Variants in GZF1 observed in about 807,000 individuals in gnomAD.
GZF1 encodes GDNF-inducible zinc finger protein 1.
GZF1 carries 28 observed loss-of-function variants against 49.4 expected under a neutral mutation model. That is an observed-to-expected ratio of 0.57 (90% CI 0.42 to 0.78). The LOEUF is 0.78. Ranked by LOEUF, GZF1 falls within the 30% of genes least tolerant of loss-of-function variation. The probability of loss-of-function intolerance (pLI) is 0.00; values close to 1 mark genes in which losing one functional copy is unlikely to be tolerated. For missense variants in GZF1, 798 were observed against 916.2 expected, an observed-to-expected ratio of 0.87 and a Z score of 1.67; for synonymous variants, 364 against 356.0, an observed-to-expected ratio of 1.02 and a Z score of -0.25.
chr20:23,370,279 T>C lies in GZF1; in HGVS notation c.1974T>C (p.Pro658=), dbSNP rs1444554273. The change falls in exon 6 of 6, where the codon CCT becomes CCC. Residue 658 remains proline, a synonymous_variant. Transcript: ENST00000338121. Reference sequence around the variant, plus strand: ...TGGCTGCAGTCCAAGACACTGTACCTACCATGCAGGAGAACAGTTCTGCTG... The same window carrying C: ...TGGCTGCAGTCCAAGACACTGTACCCACCATGCAGGAGAACAGTTCTGCTG... The part of the protein sequence containing the change: ...HNLAAVQDTV[P]TMQENSSADT... 1 of 1,614,194 alleles carries C rather than the reference T, an allele frequency of 6.2e-7. No homozygotes were observed. Among genetic ancestry groups the C allele is most frequent in the East Asian group, 2.2e-5 (1 of 44,878 alleles).
In GZF1 at chr20:23,365,079, T is replaced by C. The variant is rs1231031974; in HGVS notation, c.696T>C (p.Phe232=). ...ASGRLAGRKV[F]VEIPKKKYTR... ...GAAGGCTGGCTGGGAGGAAGGTCTT[T>C]GTGGAGATCCCTAAAAAGAAATATA... The change falls in exon 2 of 6, where the codon TTT becomes TTC. Residue 232 remains phenylalanine, a synonymous_variant. Coordinates refer to ENST00000338121, the MANE Select transcript of GZF1 (RefSeq NM_022482.5). The C allele has an allele frequency of 6.2e-7, 1 of 1,613,872 alleles. No individual in the cohort carries two copies. Among genetic ancestry groups the C allele is most frequent in the African/African-American group, 1.3e-5 (1 of 74,922 alleles).
At position 23,365,699 on chromosome 20, in the gene GZF1, A is replaced by G; in HGVS notation, c.1316A>G (p.Glu439Gly). The change falls in exon 2 of 6, where the codon GAG (glutamate) becomes GGG (glycine). Residue 439 changes from glutamate (E) to glycine (G), a missense_variant. This residue lies in a region of GZF1 where 446 missense variants were observed against 540.1 expected (regional missense o/e 0.83). Transcript: ENST00000338121. ...GGAGACCGGCCCTACGGCTGCACCG[A>G]GTGCGGCGCCAGGTTCTCGCAGCCG... ...HTGDRPYGCT[E>G]CGARFSQPSA... 1 of 1,574,498 alleles carries G rather than the reference A, an allele frequency of 6.4e-7. No individual in the cohort carries two copies.
chr20:23,366,234 TTC>T (rs576798680), intron 2 of GZF1, among the ~76,000 whole-genome samples: 169 of 152,268 alleles, frequency 1.1e-3, no homozygotes, highest in Middle Eastern at 3.4e-3. Context: ...AGACAGTGCT[TTC>T]TGTTTCTTAA....
rs1458763070 is a variant in GZF1, at chr20:23,368,906, A to G, written c.1604A>G (p.Tyr535Cys). Residue 535 changes from tyrosine to cysteine, a missense_variant, in exon 4 of 6, where the codon TAC (tyrosine) becomes TGC (cysteine). Physicochemically the swap from Tyr to Cys is radical, Grantham distance 194. Around this residue, in one of 3 missense-constraint regions of GZF1, gnomAD observed 446 missense variants for 540.1 expected, o/e 0.83. Transcript: ENST00000338121. Reference protein sequence around the residue: ...FRTFAQRNSLYQHIKVHTGER... With the variant: ...FRTFAQRNSLCQHIKVHTGER... ...ACTTTTGCCCAGCGGAATTCACTGT[A>G]CCAGCATATTAAAGTCCACACAGGT... is the stretch of plus-strand genomic sequence containing the variant. 1 of 1,613,546 alleles carries G rather than the reference A, an allele frequency of 6.2e-7. No individual in the cohort carries two copies. The highest frequency in any genetic ancestry group is 1.3e-5 in the African/African-American group (1 of 74,920).
rs139522387 is a variant in GZF1 at position 23,369,652 on chromosome 20, C to T, written c.1696C>T (p.Arg566Cys). ...FTQLNALQRH[R>C]RIHTGERPFM... ...CCAGCTCAACGCCCTCCAGCGCCAC[C>T]GCCGCATCCACACAGGGGAGAGGCC... Residue 566 changes from arginine to cysteine, a missense_variant, in exon 5 of 6, where the codon CGC becomes TGC. Around this residue, in one of 3 missense-constraint regions of GZF1, gnomAD observed 446 missense variants for 540.1 expected, o/e 0.83. Transcript: ENST00000338121. The T allele has an allele frequency of 3.7e-6, 6 of 1,613,236 alleles. No homozygotes were observed. Among genetic ancestry groups the T allele is most frequent in the East Asian group, 4.5e-5 (2 of 44,798 alleles).
Position 23,364,879 on chromosome 20 carries a change from A to G in GZF1, c.496A>G (p.Ser166Gly). ...TAGTGCTGCTCCTGCCCCCAGGGCA[A>G]GTGTGGCCACCGATGGCCCTCACCC... ...QVSAAPAPRA[S>G]VATDGPHPSG... is the part of the protein sequence containing the mutation. Residue 166 changes from serine to glycine, a missense_variant, in exon 2 of 6, where the codon AGT (serine) becomes GGT (glycine). Transcript: ENST00000338121. The G allele has an allele frequency of 6.2e-6, 10 of 1,614,230 alleles. No homozygotes were observed. The highest frequency in any genetic ancestry group is 8.5e-6 in the Non-Finnish European group (10 of 1,180,044).
In GZF1 at chr20:23,365,234, C is replaced by T. The variant is rs143775476; in HGVS notation, c.851C>T (p.Ala284Val). Reference protein sequence around the residue: ...EQVSKNEGCQAGAELEELSKK... With the variant: ...EQVSKNEGCQVGAELEELSKK... The stretch of plus-strand genomic sequence containing the variant: ...GTTTCCAAAAATGAGGGTTGCCAGG[C>T]AGGTGCTGAGTTGGAGGAATTGTCA... The change falls in exon 2 of 6, where the codon GCA becomes GTA. Residue 284 changes from alanine (A) to valine (V), a missense_variant. By Grantham distance (64) the Ala-to-Val change is moderately conservative. Around this residue, in one of 3 missense-constraint regions of GZF1, gnomAD observed 247 missense variants for 228.5 expected, o/e 1.08. Coordinates refer to ENST00000338121, the MANE Select transcript of GZF1 (RefSeq NM_022482.5). 4.8e-4 allele frequency: 770 copies of T among 1,602,896 alleles called. No homozygotes were observed. Among genetic ancestry groups the T allele is most frequent in the Non-Finnish European group, 6.2e-4 (729 of 1,174,018 alleles).
At position 23,364,880 on chromosome 20, in the gene GZF1, G is replaced by A. The variant is rs1156760274; in HGVS notation, c.497G>A (p.Ser166Asn). Reference sequence around the variant, plus strand: ...AGTGCTGCTCCTGCCCCCAGGGCAAGTGTGGCCACCGATGGCCCTCACCCC... The same window carrying A: ...AGTGCTGCTCCTGCCCCCAGGGCAAATGTGGCCACCGATGGCCCTCACCCC... Reference protein sequence around the residue: ...QVSAAPAPRASVATDGPHPSG... With the variant: ...QVSAAPAPRANVATDGPHPSG... Residue 166 changes from serine to asparagine, a missense_variant, in exon 2 of 6, where the codon AGT (serine) becomes AAT (asparagine). Physicochemically the swap from Ser to Asn is conservative, Grantham distance 46. Coordinates refer to ENST00000338121, the MANE Select transcript of GZF1 (RefSeq NM_022482.5). 4 of 1,614,126 alleles carry A rather than the reference G, an allele frequency of 2.5e-6. No homozygotes were observed. Among genetic ancestry groups the A allele is most frequent in the Admixed American group, 1.7e-5 (1 of 60,012 alleles).
chr20:23,370,503 T>A lies in GZF1; in HGVS notation c.*62T>A. ...TGTGGTAGCTGAACTCAAGATGATG[T>A]GGGGCTAAGAAAAATAATTGTCCAT... On this transcript the variant is annotated 3_prime_UTR_variant, in exon 6 of 6. Coordinates refer to ENST00000338121, the MANE Select transcript of GZF1 (RefSeq NM_022482.5). The A allele has an allele frequency of 9.2e-7, 1 of 1,081,200 alleles. No individual in the cohort carries two copies. Among genetic ancestry groups the A allele is most frequent in the Non-Finnish European group, 1.4e-6 (1 of 717,858 alleles). 67.0% of individuals were successfully genotyped at this position (1,081,200 alleles called of 1,614,324 possible).
In GZF1 at chr20:23,365,352, G is replaced by A. The variant is rs1354824319; in HGVS notation, c.969G>A (p.Glu323=). The A allele has an allele frequency of 1.2e-6, 2 of 1,611,670 alleles. No homozygotes were observed. The highest frequency in any genetic ancestry group is 1.7e-6 in the Non-Finnish European group (2 of 1,178,612). ...KKSNFKCSIC[E]KAFLYEKSFL... is the part of the protein sequence containing the mutation. ...GCAACTTTAAGTGCAGCATTTGCGAGAAGGCGTTTCTGTATGAGAAGAGCT... is the reference window on the plus strand; with the variant it reads ...GCAACTTTAAGTGCAGCATTTGCGAAAAGGCGTTTCTGTATGAGAAGAGCT... Residue 323 remains glutamate (E), a synonymous_variant, in exon 2 of 6, where the codon GAG becomes GAA. Transcript: ENST00000338121.
rs746210854 is a variant in GZF1 at position 23,364,768 on chromosome 20, A to G, written c.385A>G (p.Lys129Glu). 6.2e-7 allele frequency: 1 copy of G among 1,614,272 alleles called. No individual in the cohort carries two copies. Among genetic ancestry groups the G allele is most frequent in the Non-Finnish European group, 8.5e-7 (1 of 1,180,054 alleles). ...LDLSETCFQL[K>E]KQMLESVLLE... ...TTTATCAGAAACTTGTTTTCAATTA[A>G]AGAAACAGATGTTAGAGTCAGTACT... The change falls in exon 2 of 6, where the codon AAG becomes GAG. Residue 129 changes from lysine to glutamate, a missense_variant. By Grantham distance (56) the Lys-to-Glu change is moderately conservative. Transcript: ENST00000338121.
intron 1 of GZF1, among the ~76,000 whole-genome samples, 176 bp from the exon 2 acceptor site, chr20:23,364,187 T>C (rs1229500550): frequency 6.6e-6 from 1 of 152,258 alleles, no homozygotes; most frequent in Non-Finnish European, 1.5e-5. Context: ...GGAAAATGCA[T>C]GAGGAACCTC....
upstream of GZF1, among the ~76,000 whole-genome samples, chr20:23,361,385 C>G (rs1471624770): frequency 3.3e-5 from 5 of 152,364 alleles, no homozygotes; most frequent in East Asian, 7.7e-4. Context: ...TTCGAGGAGT[C>G]AGCGAATCTT....
At chr20:23,363,958 C>G (rs910335329) in intron 1 of GZF1, among the ~76,000 whole-genome samples, 1 of 152,182 alleles carries the variant, frequency 6.6e-6, no homozygotes, top group Admixed American at 6.5e-5. Context: ...ATGGTGGTGG[C>G]TATGTGTTTT....
chr20:23,368,603 A>T (rs1212131428), intron 3 of GZF1, among the ~76,000 whole-genome samples, 159 bp from the exon 4 acceptor site: 1 of 152,262 alleles, frequency 6.6e-6, no homozygotes, highest in East Asian at 1.9e-4. Context: ...CAAGCATCTT[A>T]CATGAATATA....
intron 2 of GZF1, 123 bp from the exon 3 acceptor site, chr20:23,366,880 C>T: frequency 1.4e-6 from 1 of 705,032 alleles, no homozygotes; most frequent in South Asian, 1.5e-5. Flanking sequence ...CTTGACCTGT[C>T]ACTACAGTCA....
In GZF1 at chr20:23,370,077, T is replaced by C. The variant is rs760287702; in HGVS notation, c.1786-14T>C. On this transcript the variant is annotated splice_polypyrimidine_tract_variant and intron_variant, in intron 5 of 5. Coordinates refer to ENST00000338121, the MANE Select transcript of GZF1 (RefSeq NM_022482.5). ...GACACATTCAGTGACCTTTGTTTTG[T>C]GTTTAACTTATAGATACACGATAAG... The C allele has an allele frequency of 5.6e-6, 9 of 1,600,570 alleles. No individual in the cohort carries two copies. The highest frequency in any genetic ancestry group is 6.9e-6 in the Non-Finnish European group (8 of 1,167,882).
rs1010910841 is a variant in GZF1 at position 23,370,634 on chromosome 20, T to G, written c.*193T>G. 3 of 583,668 alleles carry G rather than the reference T, an allele frequency of 5.1e-6. No homozygotes were observed. The highest frequency in any genetic ancestry group is 4.3e-5 in the South Asian group (2 of 46,624). 36.2% of individuals were successfully genotyped at this position (583,668 alleles called of 1,614,324 possible). A position where few individuals can be genotyped will look rare whatever the true frequency, so the allele number is the denominator to read the frequency against. The stretch of plus-strand genomic sequence containing the variant: ...TAAAGCTTTCCCTCAAAAATCCTGA[T>G]CTGCATGATCTCAGCTACTTTATTG... On this transcript the variant is annotated 3_prime_UTR_variant, in exon 6 of 6. Transcript: ENST00000338121.
Position 23,370,362 on chromosome 20 carries a change from C to T in GZF1, c.2057C>T (p.Thr686Ile), listed in dbSNP as rs1184286348. The change falls in exon 6 of 6, where the codon ACC becomes ATC. Residue 686 changes from threonine to isoleucine, a missense_variant. Around this residue, in one of 3 missense-constraint regions of GZF1, gnomAD observed 446 missense variants for 540.1 expected, o/e 0.83. Coordinates refer to ENST00000338121, the MANE Select transcript of GZF1 (RefSeq NM_022482.5). ...VVSQDTLLAT[T>I]ISELSELTPQ... ...TCCCAGGACACCCTCCTGGCCACCA[C>T]CATCAGTGAGCTTAGCGAGCTGACC... The T allele has an allele frequency of 1.2e-6, 2 of 1,613,964 alleles. No individual in the cohort carries two copies. The highest frequency in any genetic ancestry group is 2.2e-5 in the East Asian group (1 of 44,896).
Sources: allele counts gnomAD v4.1 joint callset (sites outside exome capture counted in the v4.1 genomes callset), GRCh38; gene constraint gnomAD v4.1.1; regional missense constraint gnomAD v4.1.1; transcripts MANE v1.5; gene names NCBI Gene and HGNC (gene_info 2026-07-23, HGNC 2026-07-21).